The following CPEB1 variants were observed in gnomAD, a reference collection of about 807,000 sequenced individuals.
CPEB1 encodes cytoplasmic polyadenylation element-binding protein 1.
CPEB1 carries 7 observed loss-of-function variants against 65.8 expected under a neutral mutation model. The observed-to-expected ratio is 0.11, with a 90% CI of 0.06 to 0.20. The LOEUF is 0.20. CPEB1 is among the 10% of genes least tolerant of loss of function. The pLI, the probability that CPEB1 is intolerant of heterozygous loss-of-function variation, is 1.00. For missense variants in CPEB1, 551 were observed against 712.2 expected (o/e 0.77, Z 2.58); for synonymous variants, 262 against 260.0 (o/e 1.01, Z -0.08).
chr15:82,640,213 C>A (rs1454267936), intron 1 of CPEB1, among the ~76,000 whole-genome samples: 1 of 152,146 alleles, frequency 6.6e-6, no homozygotes, highest in Non-Finnish European at 1.5e-5. Context: ...CAGAATTGAA[C>A]TCCTAGGCTC....
intron 3 of CPEB1, among the ~76,000 whole-genome samples, chr15:82,585,605 C>T (rs1025154297): frequency 4.6e-5 from 7 of 152,130 alleles, no homozygotes; most frequent in Admixed American, 4.6e-4. Flanking sequence ...ACAGGTGAAG[C>T]AATTTGACCA....
intron 1 of CPEB1, among the ~76,000 whole-genome samples, chr15:82,638,177 T>C (rs1385932583): frequency 6.6e-6 from 1 of 152,218 alleles, no homozygotes; most frequent in Non-Finnish European, 1.5e-5. Context: ...CAACTGTGGC[T>C]ATTAATACTA....
chr15:82,548,209 C>CCTGTA (rs1466736554), intron 10 of CPEB1, among the ~76,000 whole-genome samples: 1 of 151,922 alleles, frequency 6.6e-6, no homozygotes, highest in Non-Finnish European at 1.5e-5. Context: ...GTGGCGCACA[C>CCTGTA]CTGTAGTCCC....
chr15:82,545,672 T>C lies in CPEB1; in HGVS notation c.1656+769A>G, dbSNP rs72751631. Among the ~76,000 whole-genome samples, 1,138 of 152,302 alleles carry C rather than the reference T, an allele frequency of 7.5e-3. 12 individuals are homozygous for C. Among genetic ancestry groups the C allele is most frequent in the Non-Finnish European group, 8.5e-3 (576 of 68,020 alleles). ...CATTCCATCACCCAGGAACATTCAA[T>C]AGAAAGCCACCTCGCTGCTTTCTGC... On this transcript the variant is annotated intron_variant, in intron 12 of 12. Coordinates refer to ENST00000684509, the MANE Select transcript of CPEB1 (RefSeq NM_001365242.1).
intron 3 of CPEB1, among the ~76,000 whole-genome samples, chr15:82,597,629 G>C (rs1214920870): frequency 6.6e-6 from 1 of 152,192 alleles, no homozygotes; most frequent in African/African-American, 2.4e-5. Context: ...GAAAGGAGGA[G>C]AGACAAGGCT....
intron 3 of CPEB1, among the ~76,000 whole-genome samples, chr15:82,596,021 C>T (rs968211254): frequency 6.6e-6 from 1 of 152,152 alleles, no homozygotes; most frequent in East Asian, 1.9e-4. Flanking sequence ...AAAATCTGTA[C>T]TGCAGATAAT....
At chr15:82,582,493 T>A (rs2041376201) in intron 3 of CPEB1, among the ~76,000 whole-genome samples, 1 of 152,184 alleles carries the variant, frequency 6.6e-6, no homozygotes. Context: ...GGCTCAGAGA[T>A]GGCCATAAGC....
At chr15:82,619,171 T>TG (rs1432254862) in intron 3 of CPEB1, among the ~76,000 whole-genome samples, 18 of 152,236 alleles carry the variant, frequency 1.2e-4, no homozygotes, top group African/African-American at 4.3e-4. Flanking sequence ...GCCTGATTTA[T>TG]GAGAAAGGCA....
intron 11 of CPEB1, among the ~76,000 whole-genome samples, chr15:82,546,865 G>A (rs1484518747): frequency 6.6e-6 from 1 of 152,142 alleles, no homozygotes; most frequent in Non-Finnish European, 1.5e-5. Flanking sequence ...TTGGAAAATA[G>A]GAAGTCAGGC....
chr15:82,597,752 A>T (rs1384790193), intron 3 of CPEB1, among the ~76,000 whole-genome samples: 2 of 152,146 alleles, frequency 1.3e-5, no homozygotes, highest in Non-Finnish European at 2.9e-5. Context: ...AACATTTTTT[A>T]ATTTCTTTTA....
intron 3 of CPEB1, among the ~76,000 whole-genome samples, chr15:82,577,331 T>A (rs2040764004): frequency 6.6e-6 from 1 of 152,178 alleles, no homozygotes; most frequent in Admixed American, 6.5e-5. Context: ...AGTGCTGGGA[T>A]TACATGTGTG....
At chr15:82,612,494 CCAAAAAAAAAAAAA>C (rs1400668407) in intron 3 of CPEB1, among the ~76,000 whole-genome samples, 34 of 105,690 alleles carry the variant, frequency 3.2e-4, no homozygotes, top group Non-Finnish European at 5.8e-4. Flanking sequence ...GAGAGTCTGT[CCAAAAAAAAAAAAA>C]CAAAAAAAAA....
intron 3 of CPEB1, among the ~76,000 whole-genome samples, chr15:82,618,564 C>A (rs1197026584): frequency 6.6e-6 from 1 of 152,130 alleles, no homozygotes; most frequent in Non-Finnish European, 1.5e-5. Flanking sequence ...AAACTATAGA[C>A]TATTTGGGAG....
chr15:82,545,773 G>A (rs555360799), intron 12 of CPEB1, among the ~76,000 whole-genome samples: 5 of 152,276 alleles, frequency 3.3e-5, no homozygotes, highest in East Asian at 1.9e-4. Flanking sequence ...AAAGGAGGAC[G>A]AGGCATCCTC....
chr15:82,557,841 G>A lies in CPEB1; in HGVS notation c.606C>T (p.Ile202=). The A allele has an allele frequency of 6.2e-7, 1 of 1,614,160 alleles. No individual in the cohort carries two copies. Among genetic ancestry groups the A allele is most frequent in the Non-Finnish European group, 8.5e-7 (1 of 1,180,036 alleles). Residue 202 remains isoleucine (I), a synonymous_variant, in exon 5 of 13, where the codon ATC becomes ATT. Transcript: ENST00000684509. ...VRGSRLDTRP[I]LDSRSSSPSD... ...AGGGGCTGCTAGATCGAGAGTCCAG[G>A]ATGGGCCGGGTGTCCAGGCGTGATC...
intron 3 of CPEB1, among the ~76,000 whole-genome samples, chr15:82,577,043 A>C (rs778988373): frequency 1.4e-4 from 22 of 152,200 alleles, no homozygotes; most frequent in Non-Finnish European, 2.8e-4. Flanking sequence ...GGACTCCATT[A>C]AATGAGGCAT....
upstream of CPEB1, chr15:82,647,716 C>G (rs957221531): frequency 2.7e-5 from 19 of 712,622 alleles, no homozygotes; most frequent in Non-Finnish European, 3.2e-5. Flanking sequence ...CCCGCGGGCA[C>G]GTGACCGCGC....
intron 1 of CPEB1, chr15:82,638,019 C>G (rs146205408): frequency 5.2e-4 from 236 of 450,694 alleles, no homozygotes; most frequent in Non-Finnish European, 8.2e-4. Context: ...TCTTTAGTAT[C>G]TGGTTTAATA....
At chr15:82,610,801 T>C (rs535883309) in intron 3 of CPEB1, among the ~76,000 whole-genome samples, 1 of 150,390 alleles carries the variant, frequency 6.6e-6, no homozygotes, top group Admixed American at 6.6e-5. Context: ...CTACTAAAAA[T>C]ACAAAAATTA....
Sources: gnomAD v4.1 joint callset for allele counts (sites outside exome capture counted in the v4.1 genomes callset) on GRCh38, gnomAD v4.1.1 for gene constraint, MANE v1.5 for transcripts, NCBI Gene and HGNC (gene_info 2026-07-23, HGNC 2026-07-21) for gene names.